ZNF804A: variants seen among roughly 807,000 people sequenced by gnomAD.
ZNF804A encodes zinc finger protein 804A.
In ZNF804A, 2 loss-of-function variants were observed where a neutral mutation model predicts 16.5. The observed-to-expected ratio is 0.12, with a 90% CI of 0.05 to 0.38. The LOEUF is 0.38. Ranked by LOEUF, ZNF804A falls within the 10% of genes least tolerant of loss-of-function variation. The pLI is 0.99. For missense variants in ZNF804A, 1,473 were observed against 1,390.7 expected (o/e 1.06, Z -0.94); for synonymous variants, 534 against 489.6 (o/e 1.09, Z -1.20).
chr2:184,734,378 A>C (rs1416924374), intron 1 of ZNF804A, among the ~76,000 whole-genome samples: 2 of 152,302 alleles, frequency 1.3e-5, no homozygotes, highest in East Asian at 3.9e-4. Context: ...ATTTTAATTT[A>C]GTTCAAAATA....
intron 1 of ZNF804A, among the ~76,000 whole-genome samples, chr2:184,850,776 T>C (rs1282121198): frequency 6.6e-6 from 1 of 151,822 alleles, no homozygotes; most frequent in Non-Finnish European, 1.5e-5. Flanking sequence ...TTTTTCAACA[T>C]TTAAAATAAT....
intron 2 of ZNF804A, among the ~76,000 whole-genome samples, chr2:184,923,306 C>A (rs1463423498): frequency 6.6e-6 from 1 of 151,746 alleles, no homozygotes; most frequent in Non-Finnish European, 1.5e-5. Flanking sequence ...TTATTTGGAG[C>A]TATTGCAAAT....
chr2:184,861,665 A>G (rs1328364304), intron 1 of ZNF804A, among the ~76,000 whole-genome samples: 1 of 152,174 alleles, frequency 6.6e-6, no homozygotes, highest in Non-Finnish European at 1.5e-5. Context: ...TACCCTACTA[A>G]CAGTACTTTA....
At chr2:184,916,872 A>G (rs865875032) in intron 2 of ZNF804A, among the ~76,000 whole-genome samples, 25 of 151,912 alleles carry the variant, frequency 1.6e-4, no homozygotes, top group African/African-American at 5.3e-4. Context: ...AACAAAACAA[A>G]ACAAAAACAG....
chr2:184,895,763 T>C (rs1246457374), intron 2 of ZNF804A, among the ~76,000 whole-genome samples: 3 of 152,252 alleles, frequency 2.0e-5, no homozygotes, highest in South Asian at 2.1e-4. Context: ...TTAAAGTGTT[T>C]AGTAATTTCA....
At chr2:184,613,465 T>G (rs1691270333) in intron 1 of ZNF804A, among the ~76,000 whole-genome samples, 8 of 152,208 alleles carry the variant, frequency 5.3e-5, no homozygotes. Flanking sequence ...AAGAACTTTC[T>G]GGCCGACCAA....
At chr2:184,863,577 C>T (rs868186753) in intron 1 of ZNF804A, among the ~76,000 whole-genome samples, 5 of 150,782 alleles carry the variant, frequency 3.3e-5, no homozygotes, top group African/African-American at 1.2e-4. Context: ...CACCTTACAA[C>T]ATAATAAGAG....
At chr2:184,895,711 A>G (rs538885783) in intron 2 of ZNF804A, among the ~76,000 whole-genome samples, 58 of 152,364 alleles carry the variant, frequency 3.8e-4, no homozygotes, top group African/African-American at 1.4e-3. Context: ...AAGAAATTCC[A>G]TGGGATTTTA....
chr2:184,923,380 T>C (rs1685561399), intron 2 of ZNF804A, among the ~76,000 whole-genome samples: 1 of 152,018 alleles, frequency 6.6e-6, no homozygotes, highest in Non-Finnish European at 1.5e-5. Context: ...TGCTACTGAT[T>C]TTTGTATGTT....
At chr2:184,666,889 G>T (rs892916397) in intron 1 of ZNF804A, among the ~76,000 whole-genome samples, 1 of 151,918 alleles carries the variant, frequency 6.6e-6, no homozygotes, top group African/African-American at 2.4e-5. Flanking sequence ...TTGAATTGCA[G>T]AAAACTGGCC....
chr2:184,766,455 A>T (rs1694128536), intron 1 of ZNF804A, among the ~76,000 whole-genome samples: 1 of 151,890 alleles, frequency 6.6e-6, no homozygotes, highest in Non-Finnish European at 1.5e-5. Context: ...TCTTTTTATT[A>T]GGAAGCATAA....
Position 184,908,747 on chromosome 2 carries a change from A to G in ZNF804A, c.256-24856A>G, listed in dbSNP as rs563114589. 1.3e-3 allele frequency among the ~76,000 whole-genome samples: 195 copies of G among 152,276 alleles called. 2 individuals are homozygous for G. Among genetic ancestry groups the G allele is most frequent in the African/African-American group, 4.3e-3 (178 of 41,576 alleles). ...TTTAATGAATTCACTGTTATAATAC[A>G]TATTACTAATAAACAAACAACTCTA... On this transcript the variant is annotated intron_variant, in intron 2 of 3. Transcript: ENST00000302277.
At chr2:184,756,534 CT>C (rs915191852) in intron 1 of ZNF804A, among the ~76,000 whole-genome samples, 4 of 151,894 alleles carry the variant, frequency 2.6e-5, no homozygotes, top group South Asian at 2.1e-4. Context: ...AGCAATGTTA[CT>C]TTTCTTCAAT....
intron 1 of ZNF804A, among the ~76,000 whole-genome samples, chr2:184,628,331 A>T (rs1161359418): frequency 6.6e-6 from 1 of 152,134 alleles, no homozygotes; most frequent in Non-Finnish European, 1.5e-5. Flanking sequence ...AAAGAAAGAA[A>T]AAAAAGGTGT....
At chr2:184,896,352 CAT>C (rs1343271447) in intron 2 of ZNF804A, among the ~76,000 whole-genome samples, 2 of 151,792 alleles carry the variant, frequency 1.3e-5, no homozygotes, top group East Asian at 3.9e-4. Context: ...TGTCATGAAG[CAT>C]CTTCATGTTA....
Position 184,936,854 on chromosome 2 carries a change from G to A in ZNF804A, c.1458G>A (p.Gln486=), listed in dbSNP as rs1431263449. The A allele has an allele frequency of 6.2e-7, 1 of 1,613,028 alleles. No homozygotes were observed. The highest frequency in any genetic ancestry group is 1.1e-5 in the South Asian group (1 of 90,966). ...NKPDLKDLCS[Q]QKQEDICMGP... ...CAGACTTAAAAGATCTTTGTTCTCA[G>A]CAGAAGCAGGAAGACATTTGCATGG... The change falls in exon 4 of 4, where the codon CAG becomes CAA. Residue 486 remains glutamine, a synonymous_variant. Transcript: ENST00000302277.
At chr2:184,793,173 A>G (rs918789061) in intron 1 of ZNF804A, among the ~76,000 whole-genome samples, 1 of 151,992 alleles carries the variant, frequency 6.6e-6, no homozygotes, top group Non-Finnish European at 1.5e-5. Flanking sequence ...CCAACCTACC[A>G]TTGGTGGGCA....
chr2:184,769,233 A>G lies in ZNF804A; in HGVS notation c.112-97136A>G, dbSNP rs145308684. ...CTCTGTCTGCTTCCTTTAAGGAAAG[A>G]ACACACTGCTGTAAGTTATGAATCA... On this transcript the variant is annotated intron_variant, in intron 1 of 3. Transcript: ENST00000302277. 9.1e-3 allele frequency among the ~76,000 whole-genome samples: 1,378 copies of G among 152,170 alleles called. 22 individuals carry two copies. Among genetic ancestry groups the G allele is most frequent in the African/African-American group, 0.032 (1,317 of 41,530 alleles).
intron 1 of ZNF804A, among the ~76,000 whole-genome samples, chr2:184,759,055 A>G (rs1315168474): frequency 2.0e-5 from 3 of 151,530 alleles, no homozygotes; most frequent in Non-Finnish European, 4.4e-5. Context: ...AGAATGTAGT[A>G]TATATGTAAT....
Sources: gnomAD v4.1 joint callset for allele counts (sites outside exome capture counted in the v4.1 genomes callset) on GRCh38, gnomAD v4.1.1 for gene constraint, MANE v1.5 for transcripts, NCBI Gene and HGNC (gene_info 2026-07-23, HGNC 2026-07-21) for gene names.